TNFSF4: variants seen among roughly 807,000 people sequenced by gnomAD.
TNFSF4 encodes tumor necrosis factor ligand superfamily member 4.
In TNFSF4, 4 loss-of-function variants were observed where a neutral mutation model predicts 7.3. The observed-to-expected ratio is 0.55, with a 90% CI of 0.27 to 1.25. The LOEUF is 1.25. TNFSF4 is among the 50% of genes most tolerant of loss of function. The probability of loss-of-function intolerance (pLI) is 0.12; values close to 1 mark genes in which losing one functional copy is unlikely to be tolerated. For synonymous variants in TNFSF4, 76 were observed against 83.7 expected (o/e 0.91, Z 0.50); for missense variants, 181 against 208.8 (o/e 0.87, Z 0.82).
the TNFSF4 span, among the ~76,000 whole-genome samples, chr1:173,409,526 A>G: frequency 6.6e-6 from 1 of 152,220 alleles, no homozygotes; most frequent in Non-Finnish European, 1.5e-5. Flanking sequence ...AAGTCATTAT[A>G]CTATTCTTGC....
the TNFSF4 span, among the ~76,000 whole-genome samples, chr1:173,364,628 C>T: frequency 1.4e-3 from 206 of 151,986 alleles, 1 homozygote; most frequent in Admixed American, 3.9e-3. Context: ...AACTATGTTG[C>T]ATGTATTTTG....
chr1:173,395,610 G>A, the TNFSF4 span, among the ~76,000 whole-genome samples: 2 of 151,598 alleles, frequency 1.3e-5, no homozygotes, highest in Non-Finnish European at 2.9e-5. Context: ...ATTTTCTAGA[G>A]CCAAAGAGCT....
chr1:173,338,234 A>G, the TNFSF4 span, among the ~76,000 whole-genome samples: 1 of 152,226 alleles, frequency 6.6e-6, no homozygotes, highest in Non-Finnish European at 1.5e-5. Context: ...TGGAAGGGAC[A>G]GCTCTTTGTC....
chr1:173,178,708 C>T, the TNFSF4 span, among the ~76,000 whole-genome samples: 2 of 152,050 alleles, frequency 1.3e-5, no homozygotes, highest in African/African-American at 2.4e-5. Flanking sequence ...AAAATATTTC[C>T]GGTAGGTTGA....
chr1:173,245,793 T>C, the TNFSF4 span, among the ~76,000 whole-genome samples: 55 of 152,214 alleles, frequency 3.6e-4, no homozygotes, highest in Non-Finnish European at 6.3e-4. Flanking sequence ...TCTGTACTTC[T>C]ATGAGATCTA....
the TNFSF4 span, among the ~76,000 whole-genome samples, chr1:173,220,895 A>C: frequency 6.6e-6 from 1 of 152,146 alleles, no homozygotes; most frequent in Non-Finnish European, 1.5e-5. Flanking sequence ...CCACATACTC[A>C]CACTCACCAA....
chr1:173,380,170 C>G, the TNFSF4 span, among the ~76,000 whole-genome samples: 1 of 152,204 alleles, frequency 6.6e-6, no homozygotes, highest in African/African-American at 2.4e-5. Flanking sequence ...CTCCTGCCTC[C>G]TCAGTTGTAA....
intron 1 of TNFSF4, among the ~76,000 whole-genome samples, chr1:173,193,728 C>T (rs1046907684): frequency 6.8e-6 from 1 of 147,290 alleles, no homozygotes; most frequent in African/African-American, 2.6e-5. Context: ...GCCCACACTC[C>T]AGGCTTCCCT....
At chr1:173,280,300 T>C in the TNFSF4 span, among the ~76,000 whole-genome samples, 15,637 of 152,114 alleles carry the variant, frequency 0.1, 941 homozygotes, top group East Asian at 0.18. Context: ...ATTACACCAA[T>C]CGTGGTTGAT....
At chr1:173,367,897 G>A in the TNFSF4 span, among the ~76,000 whole-genome samples, 2 of 152,206 alleles carry the variant, frequency 1.3e-5, no homozygotes, top group Admixed American at 6.5e-5. Flanking sequence ...GCTGGGTTGA[G>A]TGGGGACTTG....
At chr1:173,392,595 C>A in the TNFSF4 span, among the ~76,000 whole-genome samples, 3 of 152,120 alleles carry the variant, frequency 2.0e-5, 1 homozygote, top group South Asian at 6.2e-4. Context: ...AGAAATGATG[C>A]CAAAACATTT....
chr1:173,304,754 C>T, the TNFSF4 span, among the ~76,000 whole-genome samples: 1 of 151,950 alleles, frequency 6.6e-6, no homozygotes, highest in Non-Finnish European at 1.5e-5. Context: ...ACCTGGCTTC[C>T]CTCAGAGCAA....
upstream of TNFSF4, among the ~76,000 whole-genome samples, chr1:173,210,998 C>T (rs375073003): frequency 2.0e-5 from 3 of 152,298 alleles, no homozygotes; most frequent in South Asian, 4.1e-4. Context: ...TTTATAAACC[C>T]GCAGGGGGTG....
chr1:173,229,844 G>A, the TNFSF4 span, among the ~76,000 whole-genome samples: 2 of 152,066 alleles, frequency 1.3e-5, no homozygotes, highest in African/African-American at 2.4e-5. Flanking sequence ...GAAGGCCATT[G>A]CATAATGGTA....
chr1:173,383,784 C>T, the TNFSF4 span, among the ~76,000 whole-genome samples: 1 of 152,116 alleles, frequency 6.6e-6, no homozygotes, highest in Non-Finnish European at 1.5e-5. Flanking sequence ...GATTCAAGTC[C>T]TCATTCAACC....
At chr1:173,391,341 TAGATTAG>T in the TNFSF4 span, among the ~76,000 whole-genome samples, 1 of 109,844 alleles carries the variant, frequency 9.1e-6, no homozygotes, top group Non-Finnish European at 1.9e-5. Context: ...TCATGCACAC[TAGATTAG>T]CTCTCTCTGA....
the TNFSF4 span, among the ~76,000 whole-genome samples, chr1:173,246,403 T>C: frequency 1.3e-5 from 2 of 152,164 alleles, no homozygotes; most frequent in Non-Finnish European, 2.9e-5. Context: ...ATTCCATTAC[T>C]GGGTATATAC....
the TNFSF4 span, among the ~76,000 whole-genome samples, chr1:173,212,514 A>T: frequency 1.3e-5 from 2 of 151,670 alleles, no homozygotes; most frequent in Admixed American, 6.6e-5. Flanking sequence ...GCTCTGTTTC[A>T]TCTTGTAATT....
the TNFSF4 span, among the ~76,000 whole-genome samples, chr1:173,212,937 A>C: frequency 3.3e-5 from 5 of 152,202 alleles, no homozygotes; most frequent in Non-Finnish European, 5.9e-5. Context: ...ATGATGCTGC[A>C]AGTTCCTGAG....
Sources: gnomAD v4.1 joint callset for allele counts (sites outside exome capture counted in the v4.1 genomes callset) on GRCh38, gnomAD v4.1.1 for gene constraint, MANE v1.5 for transcripts, NCBI Gene and HGNC (gene_info 2026-07-23, HGNC 2026-07-21) for gene names.